Variants in FIRRM observed in about 807,000 individuals in gnomAD.
The protein encoded by FIRRM is FIGNL1 interacting regulator of recombination and mitosis, also known as FIGNL1-interacting regulator of recombination and mitosis.
chr1:169,833,692 C>G, the FIRRM span, among the ~76,000 whole-genome samples: 5 of 152,128 alleles, frequency 3.3e-5, no homozygotes, highest in African/African-American at 1.2e-4. Context: ...ACACCTACCT[C>G]TTAGCCTTCT....
the FIRRM span, chr1:169,792,884 G>C: frequency 6.2e-7 from 1 of 1,614,086 alleles, no homozygotes; most frequent in Non-Finnish European, 8.5e-7. Flanking sequence ...ACAAAACTCA[G>C]ACCACTCACC....
chr1:169,830,482 T>G, the FIRRM span: 1 of 894,366 alleles, frequency 1.1e-6, no homozygotes, highest in East Asian at 2.5e-5. Context: ...GATTTCATAT[T>G]ACAGCATTAA....
At chr1:169,790,161 C>A in the FIRRM span, among the ~76,000 whole-genome samples, 1 of 151,882 alleles carries the variant, frequency 6.6e-6, no homozygotes, top group South Asian at 2.1e-4. Context: ...CTGTTTGATA[C>A]CCCCACATTT....
At chr1:169,786,212 G>A in the FIRRM span, among the ~76,000 whole-genome samples, 1 of 152,094 alleles carries the variant, frequency 6.6e-6, no homozygotes. Flanking sequence ...TACAGGCTTG[G>A]ATGTATTTCC....
At chr1:169,800,869 T>C in the FIRRM span, 1 of 1,355,210 alleles carries the variant, frequency 7.4e-7, no homozygotes, top group Non-Finnish European at 1.0e-6. Context: ...TAAAATTTGT[T>C]ATTTGCTTTA....
At chr1:169,826,944 A>G in the FIRRM span, 3 of 970,594 alleles carry the variant, frequency 3.1e-6, no homozygotes, top group Non-Finnish European at 1.5e-6. Context: ...TTAAAAACTT[A>G]GTTTTTAATA....
chr1:169,850,542 A>G, the FIRRM span: 1 of 473,306 alleles, frequency 2.1e-6, no homozygotes, highest in East Asian at 3.6e-5. Context: ...TCATGCCTGT[A>G]ATCCCAGCAC....
chr1:169,800,700 T>A, the FIRRM span, among the ~76,000 whole-genome samples: 1 of 141,666 alleles, frequency 7.1e-6, no homozygotes, highest in African/African-American at 2.7e-5. Flanking sequence ...GATATGTAGG[T>A]CGTTTCCTTT....
the FIRRM span, chr1:169,853,609 G>C: frequency 8.2e-7 from 1 of 1,219,204 alleles, no homozygotes; most frequent in South Asian, 1.3e-5. Context: ...GATGGGAAAA[G>C]CAGGCCACTT....
the FIRRM span, chr1:169,850,124 A>T: frequency 3.3e-6 from 2 of 608,018 alleles, no homozygotes; most frequent in East Asian, 5.5e-5. Flanking sequence ...TGAAGGAATC[A>T]TGAGTTTATC....
chr1:169,824,835 TG>T, the FIRRM span, among the ~76,000 whole-genome samples: 1 of 152,228 alleles, frequency 6.6e-6, no homozygotes, highest in Admixed American at 6.5e-5. Flanking sequence ...TCCTCAGGCC[TG>T]TTATCTGTCT....
At chr1:169,812,295 T>C in the FIRRM span, among the ~76,000 whole-genome samples, 2 of 152,352 alleles carry the variant, frequency 1.3e-5, no homozygotes, top group African/African-American at 2.4e-5. Flanking sequence ...AGAGTACTTA[T>C]TCTGTGCCAG....
chr1:169,820,550 TAAG>T, the FIRRM span, among the ~76,000 whole-genome samples: 2 of 152,118 alleles, frequency 1.3e-5, no homozygotes, highest in Non-Finnish European at 2.9e-5. Context: ...CCCTAAATCT[TAAG>T]AAGGAGTCTA....
At chr1:169,836,392 C>G in the FIRRM span, among the ~76,000 whole-genome samples, 1 of 152,252 alleles carries the variant, frequency 6.6e-6, no homozygotes, top group African/African-American at 2.4e-5. Flanking sequence ...CAACCACGCT[C>G]TTTTTGATTT....
At chr1:169,854,069 T>G in the FIRRM span, 1 of 583,850 alleles carries the variant, frequency 1.7e-6, no homozygotes, top group Non-Finnish European at 2.9e-6. Context: ...TTACAATAGC[T>G]CATTAAACAA....
chr1:169,795,273 T>C, the FIRRM span: 1 of 1,508,636 alleles, frequency 6.6e-7, no homozygotes, highest in Non-Finnish European at 8.9e-7. Flanking sequence ...CGCGAACCTT[T>C]CTCTTCTGTC....
chr1:169,852,999 A>G, the FIRRM span: 8 of 1,613,056 alleles, frequency 5.0e-6, no homozygotes, highest in Admixed American at 6.7e-5. Context: ...ACTTATCACT[A>G]GGCAGAACTG....
At chr1:169,788,621 A>G in the FIRRM span, among the ~76,000 whole-genome samples, 1 of 152,150 alleles carries the variant, frequency 6.6e-6, no homozygotes, top group African/African-American at 2.4e-5. Flanking sequence ...CATGTTGTTC[A>G]AGGGTCAACT....
At chr1:169,789,773 A>T in the FIRRM span, among the ~76,000 whole-genome samples, 1 of 152,318 alleles carries the variant, frequency 6.6e-6, no homozygotes, top group Admixed American at 6.5e-5. Context: ...CTGAACTGAA[A>T]TTTGTATACT....
Sources: gnomAD v4.1 joint callset for allele counts (sites outside exome capture counted in the v4.1 genomes callset) on GRCh38, gnomAD v4.1.1 for gene constraint, MANE v1.5 for transcripts, NCBI Gene and HGNC (gene_info 2026-07-23, HGNC 2026-07-21) for gene names.